Variants in ARHGAP20 observed in about 807,000 individuals in gnomAD.
ARHGAP20 encodes the protein Rho GTPase activating protein 20.
A neutral mutation model predicts 73.7 loss-of-function variants in ARHGAP20; 34 were observed. The observed-to-expected ratio is 0.46, with a 90% CI of 0.35 to 0.61. ARHGAP20 has a LOEUF of 0.61. Ranked by LOEUF, ARHGAP20 falls within the 20% of genes least tolerant of loss-of-function variation. The probability of loss-of-function intolerance (pLI) is 0.00; values close to 1 mark genes in which losing one functional copy is unlikely to be tolerated. For missense variants in ARHGAP20, 1,314 were observed against 1,420.9 expected (o/e 0.92, Z 1.21); for synonymous variants, 523 against 518.2 (o/e 1.01, Z -0.13).
At chr11:110,710,035 C>T (rs1950617641) in intron 1 of ARHGAP20, among the ~76,000 whole-genome samples, 1 of 152,058 alleles carries the variant, frequency 6.6e-6, no homozygotes, top group Admixed American at 6.5e-5. Flanking sequence ...CAATAGCTTC[C>T]CTGATGGATT....
At chr11:110,611,235 G>A (rs1213221863) in intron 7 of ARHGAP20, 74 bp downstream of exon 7, 1 of 979,672 alleles carries the variant, frequency 1.0e-6, no homozygotes. Context: ...TCTTATGATG[G>A]AAGGAAAATA....
intron 9 of ARHGAP20, among the ~76,000 whole-genome samples, chr11:110,599,867 C>T (rs118121913): frequency 0.031 from 4,728 of 152,062 alleles, 104 homozygotes; most frequent in Non-Finnish European, 0.046. Context: ...TCTCTCAGAG[C>T]TGCACAGATG....
At chr11:110,655,238 G>T (rs1012816358) in intron 2 of ARHGAP20, among the ~76,000 whole-genome samples, 1 of 151,964 alleles carries the variant, frequency 6.6e-6, no homozygotes, top group African/African-American at 2.4e-5. Flanking sequence ...ACAATCTAAT[G>T]AGACACATGA....
rs559025461 is a variant in ARHGAP20, at chr11:110,649,151, A to G, written c.189-18359T>C. Among the ~76,000 whole-genome samples, 8 of 152,052 alleles carry G rather than the reference A, an allele frequency of 5.3e-5. No homozygotes were observed. The South Asian group carries it at 1.7e-3, about 32-fold the overall frequency. On this transcript the variant is annotated intron_variant, in intron 2 of 14. Coordinates refer to ENST00000683387, the MANE Select transcript of ARHGAP20 (RefSeq NM_001384657.1). ...AGCTTTAGATGACTTTTAAACAGTA[A>G]AGAGAAACAATTTTTATACTTACTA... is the stretch of plus-strand genomic sequence containing the variant.
intron 2 of ARHGAP20, among the ~76,000 whole-genome samples, chr11:110,635,449 G>T (rs750986847): frequency 2.6e-5 from 4 of 152,002 alleles, no homozygotes; most frequent in African/African-American, 2.4e-5. Flanking sequence ...AGTCTACAAC[G>T]CATTCTAGCT....
At chr11:110,606,810 T>G (rs1948243001) in intron 8 of ARHGAP20, 61 bp from the exon 9 acceptor site, 1 of 1,383,728 alleles carries the variant, frequency 7.2e-7, no homozygotes, top group Admixed American at 2.6e-5. Flanking sequence ...GCATGTGTAC[T>G]GCAAAATAGG....
rs1224833586 is a variant in ARHGAP20 at position 110,579,665 on chromosome 11, G to A, written c.3281C>T (p.Pro1094Leu). Residue 1094 changes from proline (P) to leucine (L), a missense_variant, in exon 15 of 15, where the codon CCC becomes CTC. Pro to Leu is a moderately conservative substitution (Grantham distance 98, BLOSUM62 -3). Around this residue, in one of 3 missense-constraint regions of ARHGAP20, gnomAD observed 641 missense variants for 636.9 expected, o/e 1.01. Coordinates refer to ENST00000683387, the MANE Select transcript of ARHGAP20 (RefSeq NM_001384657.1). ...GGACAGTCCTTCAGCTGCCCTTAAG[G>A]GCAAGTCTTTTTGTTCCTCTTGCAG... ...NSLQEEQKDLPLRAAEGLSPV... is the reference protein window; with the variant it reads ...NSLQEEQKDLLLRAAEGLSPV... The A allele has an allele frequency of 1.9e-6, 3 of 1,614,192 alleles. No homozygotes were observed. Among genetic ancestry groups the A allele is most frequent in the Non-Finnish European group, 2.5e-6 (3 of 1,180,028 alleles).
Position 110,712,205 on chromosome 11 carries a change from C to T in ARHGAP20, c.27G>A (p.Glu9=), listed in dbSNP as rs1950680739. The T allele has an allele frequency of 2.9e-6, 4 of 1,369,206 alleles. No homozygotes were observed. Among genetic ancestry groups the T allele is most frequent in the South Asian group, 2.2e-5 (1 of 46,078 alleles). The allele number at this position is 1,369,206 out of a possible 1,614,324, so 84.8% of individuals were successfully genotyped here. The change falls in exon 1 of 15, where the codon GAG becomes GAA. Residue 9 remains glutamate, a synonymous_variant. Coordinates refer to ENST00000683387, the MANE Select transcript of ARHGAP20 (RefSeq NM_001384657.1). ...AGCGCCCCGGCTGTCCCCCTAGAGT[C>T]TCCTGCTGGGGGGACATCGCTTCCA... MEAMSPQQ[E]TLGGQPGRSS... is the part of the protein sequence containing the mutation.
At position 110,577,648 on chromosome 11, in the gene ARHGAP20, G is replaced by A. The variant is rs1947323234; in HGVS notation, c.*1722C>T. On this transcript the variant is annotated 3_prime_UTR_variant, in exon 15 of 15. Transcript: ENST00000683387. ...GGACACTTAGAAGTCTTAATATGTAGGACTGGTTAGTTATAAAGTGAAATC... is the reference window on the plus strand; with the variant it reads ...GGACACTTAGAAGTCTTAATATGTAAGACTGGTTAGTTATAAAGTGAAATC... 1 of 985,814 alleles carries A rather than the reference G, an allele frequency of 1.0e-6. No individual in the cohort carries two copies. Among genetic ancestry groups the A allele is most frequent in the East Asian group, 1.1e-4 (1 of 8,810 alleles). 61.1% of individuals were successfully genotyped at this position (985,814 alleles called of 1,614,324 possible).
At chr11:110,697,176 C>T (rs907717946) in intron 1 of ARHGAP20, among the ~76,000 whole-genome samples, 3 of 151,614 alleles carry the variant, frequency 2.0e-5, no homozygotes, top group African/African-American at 7.2e-5. Context: ...TATTGTTTAC[C>T]ATAGATATTG....
At chr11:110,706,699 T>C (rs1234632557) in intron 1 of ARHGAP20, among the ~76,000 whole-genome samples, 4 of 152,112 alleles carry the variant, frequency 2.6e-5, no homozygotes, top group African/African-American at 7.2e-5. Context: ...AGGTGCAGGA[T>C]AGGGGTCATT....
intron 1 of ARHGAP20, among the ~76,000 whole-genome samples, chr11:110,700,087 C>G (rs1021261281): frequency 2.0e-5 from 3 of 151,978 alleles, no homozygotes; most frequent in African/African-American, 7.2e-5. Flanking sequence ...TTTGGAACCT[C>G]TAAATCACTC....
At chr11:110,679,753 T>C (rs1035138978) in intron 2 of ARHGAP20, among the ~76,000 whole-genome samples, 2 of 152,152 alleles carry the variant, frequency 1.3e-5, no homozygotes, top group Non-Finnish European at 1.5e-5. Flanking sequence ...GGTCACATAG[T>C]GCTAGAGCAG....
intron 9 of ARHGAP20, among the ~76,000 whole-genome samples, chr11:110,599,713 C>T (rs1031170581): frequency 2.0e-5 from 3 of 152,170 alleles, no homozygotes; most frequent in African/African-American, 7.2e-5. Flanking sequence ...GTCCATAAAA[C>T]CCCTAGGCTC....
intron 9 of ARHGAP20, among the ~76,000 whole-genome samples, chr11:110,601,703 G>C (rs1948113339): frequency 6.6e-6 from 1 of 152,048 alleles, no homozygotes; most frequent in Admixed American, 6.6e-5. Flanking sequence ...TAAACTTTAG[G>C]CCAGGCATGG....
intron 2 of ARHGAP20, among the ~76,000 whole-genome samples, chr11:110,663,634 C>T (rs964563913): frequency 8.6e-5 from 13 of 151,956 alleles, no homozygotes; most frequent in Admixed American, 2.6e-4. Context: ...AAAAACTCCA[C>T]GCCCAAACAG....
intron 2 of ARHGAP20, among the ~76,000 whole-genome samples, chr11:110,690,085 T>C (rs996633802): frequency 3.2e-4 from 48 of 152,270 alleles, no homozygotes; most frequent in African/African-American, 9.4e-4. Context: ...ATTTAACTAA[T>C]AATGCCTAAA....
At chr11:110,672,237 GA>G (rs1949842965) in intron 2 of ARHGAP20, among the ~76,000 whole-genome samples, 1 of 152,024 alleles carries the variant, frequency 6.6e-6, no homozygotes, top group Admixed American at 6.6e-5. Context: ...AGATTTAGGG[GA>G]AACATCTGAT....
At chr11:110,678,646 C>CATTT (rs1949979899) in intron 2 of ARHGAP20, among the ~76,000 whole-genome samples, 2 of 152,060 alleles carry the variant, frequency 1.3e-5, no homozygotes, top group Non-Finnish European at 1.5e-5. Flanking sequence ...AAACAACAAA[C>CATTT]ATTTATTTAT....
Sources: gnomAD v4.1 joint callset for allele counts (sites outside exome capture counted in the v4.1 genomes callset) on GRCh38, gnomAD v4.1.1 for gene constraint, gnomAD v4.1.1 regional missense constraint, MANE v1.5 for transcripts, NCBI Gene and HGNC (gene_info 2026-07-23, HGNC 2026-07-21) for gene names.